The following F2 variants were observed in gnomAD, a reference collection of about 807,000 sequenced individuals.
F2 encodes prothrombin.
In F2, 34 loss-of-function variants were observed where a neutral mutation model predicts 81.9. That is an observed-to-expected ratio of 0.42 (90% CI 0.32 to 0.55). The LOEUF is 0.55. F2 is among the 20% of genes least tolerant of loss of function. The probability of loss-of-function intolerance (pLI) is 0.18; values close to 1 mark genes in which losing one functional copy is unlikely to be tolerated. For missense variants in F2, 630 were observed against 833.4 expected, an observed-to-expected ratio of 0.76 and a Z score of 3.00; for synonymous variants, 296 against 326.4, an observed-to-expected ratio of 0.91 and a Z score of 1.01.
At chr11:46,732,922 G>A (rs570342007) in intron 12 of F2, among the ~76,000 whole-genome samples, 8 of 152,242 alleles carry the variant, frequency 5.3e-5, no homozygotes, top group African/African-American at 1.9e-4. Flanking sequence ...AGTCAAGAGT[G>A]GAATTTAGAA....
chr11:46,729,983 C>T (rs1192132034), intron 12 of F2, among the ~76,000 whole-genome samples: 1 of 152,038 alleles, frequency 6.6e-6, no homozygotes, highest in African/African-American at 2.4e-5. Flanking sequence ...AAACAGCAAT[C>T]CCTGACCAGT....
chr11:46,735,932 C>T (rs1306086047), intron 12 of F2, among the ~76,000 whole-genome samples: 6 of 150,802 alleles, frequency 4.0e-5, no homozygotes, highest in African/African-American at 1.2e-4. Context: ...TCGCCAGGTG[C>T]GGTGGCTCAC....
rs746360345 is a variant in F2 at position 46,725,926 on chromosome 11, A to G, written c.627A>G (p.Pro209=). ...GCTCCAGTGTGAATCTGTCACCTCC[A>G]TTGGAGCAGTGTGTCCCTGATCGGG... The part of the protein sequence containing the change: ...SEGSSVNLSP[P]LEQCVPDRGQ... The change falls in exon 7 of 14, where the codon CCA becomes CCG. Residue 209 remains proline, a synonymous_variant. Coordinates refer to ENST00000311907, the MANE Select transcript of F2 (RefSeq NM_000506.5). The G allele has an allele frequency of 7.4e-6, 12 of 1,613,846 alleles. No homozygotes were observed. The highest frequency in any genetic ancestry group is 3.3e-5 in the South Asian group (3 of 91,078).
intron 12 of F2, 58 bp from the exon 13 acceptor site, chr11:46,738,990 G>A: frequency 6.3e-7 from 1 of 1,583,884 alleles, no homozygotes; most frequent in Admixed American, 1.7e-5. Context: ...GTCTCGTGAA[G>A]GGGCGTGGCT....
In F2 at chr11:46,719,622, G is replaced by C. The variant is rs2064822198; in HGVS notation, c.80-80G>C. 2 of 1,523,730 alleles carry C rather than the reference G, an allele frequency of 1.3e-6. No homozygotes were observed. Among genetic ancestry groups the C allele is most frequent in the African/African-American group, 2.8e-5 (2 of 72,484 alleles). The allele number at this position is 1,523,730 out of a possible 1,614,324, so 94.4% of individuals were successfully genotyped here. ...TCTCAGAAGCCAGCAGGGGAGGGTG[G>C]GCTTGCTTCATGCCCCCAGAATGGC... On this transcript the variant is annotated intron_variant, in intron 1 of 13. Coordinates refer to ENST00000311907, the MANE Select transcript of F2 (RefSeq NM_000506.5). This position sits in a 1 kb window ranked among gnomAD's most constrained non-coding sequence, Gnocchi z 4.7.
chr11:46,729,813 G>A (rs2064899434), intron 12 of F2, among the ~76,000 whole-genome samples: 1 of 152,162 alleles, frequency 6.6e-6, no homozygotes, highest in Non-Finnish European at 1.5e-5. Flanking sequence ...AGAGGCTGCG[G>A]GTAGGGAAAT....
At chr11:46,725,608 A>G (rs1480269895) in intron 6 of F2, among the ~76,000 whole-genome samples, 1 of 152,184 alleles carries the variant, frequency 6.6e-6, no homozygotes, top group Non-Finnish European at 1.5e-5. Context: ...CTAGGAGGCC[A>G]AACCTGGTTA....
chr11:46,725,618 A>G (rs2064866873), intron 6 of F2, among the ~76,000 whole-genome samples: 1 of 152,170 alleles, frequency 6.6e-6, no homozygotes, highest in Admixed American at 6.5e-5. Flanking sequence ...AAACCTGGTT[A>G]CTATCTCTGG....
At position 46,726,236 on chromosome 11, in the gene F2, CG is replaced by C; in HGVS notation, c.874+64del. 6.3e-7 allele frequency: 1 copy of C among 1,592,952 alleles called. No individual in the cohort carries two copies. ...AAATCCTGGTGGGAATAACAACAGCCGCTTCTGCTTATCGAACGCTTACCTC... is the reference window on the plus strand; with the variant it reads ...AAATCCTGGTGGGAATAACAACAGCCCTTCTGCTTATCGAACGCTTACCTC... On this transcript the variant is annotated intron_variant, in intron 7 of 13. Coordinates refer to ENST00000311907, the MANE Select transcript of F2 (RefSeq NM_000506.5). The surrounding 1 kb of genome is among the most constrained non-coding windows in gnomAD (Gnocchi z 5.9).
In F2 at chr11:46,725,956, G is replaced by A. The variant is rs1230367451; in HGVS notation, c.657G>A (p.Gln219=). ...PLEQCVPDRG[Q]QYQGRLAVTT... is the part of the protein sequence containing the mutation. ...AGCAGTGTGTCCCTGATCGGGGGCA[G>A]CAGTACCAGGGGCGCCTGGCGGTGA... The change falls in exon 7 of 14, where the codon CAG becomes CAA. Residue 219 remains glutamine, a synonymous_variant. Coordinates refer to ENST00000311907, the MANE Select transcript of F2 (RefSeq NM_000506.5). 1.2e-6 allele frequency: 2 copies of A among 1,613,846 alleles called. No homozygotes were observed. Among genetic ancestry groups the A allele is most frequent in the Non-Finnish European group, 8.5e-7 (1 of 1,180,038 alleles).
chr11:46,732,874 T>C (rs2064922036), intron 12 of F2, among the ~76,000 whole-genome samples: 1 of 152,162 alleles, frequency 6.6e-6, no homozygotes, highest in Non-Finnish European at 1.5e-5. Flanking sequence ...TTCCTTACTG[T>C]AGTGTTGGAA....
In F2 at chr11:46,723,166, T is replaced by G. The variant is rs1592410059; in HGVS notation, c.317-14T>G. 6.2e-7 allele frequency: 1 copy of G among 1,611,262 alleles called. No individual in the cohort carries two copies. The highest frequency in any genetic ancestry group is 2.2e-5 in the East Asian group (1 of 44,814). ...CCCCAGGCTCCAAGGCTGACCGGGG[T>G]GGGGTCTCCGCAGGTAACTGTGCTG... On this transcript the variant is annotated splice_polypyrimidine_tract_variant and intron_variant, in intron 4 of 13. Transcript: ENST00000311907. The surrounding 1 kb of genome is among the most constrained non-coding windows in gnomAD (Gnocchi z 5.6).
chr11:46,735,689 G>A (rs1444787747), intron 12 of F2, among the ~76,000 whole-genome samples: 5 of 151,538 alleles, frequency 3.3e-5, no homozygotes, highest in African/African-American at 4.9e-5. Flanking sequence ...TTGGGAGGCC[G>A]AGGCGAGCGG....
intron 12 of F2, among the ~76,000 whole-genome samples, chr11:46,737,439 G>T (rs1459513172): frequency 9.1e-6 from 1 of 110,444 alleles, no homozygotes; most frequent in African/African-American, 4.0e-5. Context: ...ACCGTGCCTG[G>T]CCTTTTTTTT....
chr11:46,738,995 G>A (rs938825959), intron 12 of F2, 53 bp from the exon 13 acceptor site: 18 of 1,597,190 alleles, frequency 1.1e-5, no homozygotes, highest in Admixed American at 3.3e-5. Context: ...GTGAAGGGGC[G>A]TGGCTGGGCT....
At chr11:46,721,757 T>G (rs1427845898) in intron 4 of F2, among the ~76,000 whole-genome samples, 1 of 152,108 alleles carries the variant, frequency 6.6e-6, no homozygotes, top group Non-Finnish European at 1.5e-5. Context: ...CTTGAACTCC[T>G]GGGCTCAGGC....
intron 12 of F2, 68 bp from the exon 13 acceptor site, chr11:46,738,980 G>A: frequency 3.3e-6 from 5 of 1,530,452 alleles, no homozygotes; most frequent in East Asian, 2.2e-5. Context: ...CACCAGCTGT[G>A]TCTCGTGAAG....
chr11:46,724,503 T>C (rs983302911), intron 6 of F2, among the ~76,000 whole-genome samples: 1 of 152,094 alleles, frequency 6.6e-6, no homozygotes. Flanking sequence ...CAGAAAACAA[T>C]GAACAGAAAA....
At chr11:46,732,951 C>T (rs1317303006) in intron 12 of F2, among the ~76,000 whole-genome samples, 6 of 152,088 alleles carry the variant, frequency 3.9e-5, no homozygotes, top group Non-Finnish European at 8.8e-5. Context: ...TGGGTGCTGG[C>T]GTGTGCACAT....
Sources: allele counts gnomAD v4.1 joint callset (sites outside exome capture counted in the v4.1 genomes callset), GRCh38; gene constraint gnomAD v4.1.1; non-coding constraint Gnocchi (gnomAD v3.1); transcripts MANE v1.5; gene names NCBI Gene and HGNC (gene_info 2026-07-23, HGNC 2026-07-21).